The following RNF115 variants were observed in gnomAD, a reference collection of about 807,000 sequenced individuals.
RNF115 encodes E3 ubiquitin-protein ligase RNF115.
In RNF115, 31 loss-of-function variants were observed where a neutral mutation model predicts 39.2. The ratio of observed to expected loss-of-function variants is 0.79; its 90% CI spans 0.59 to 1.07. The LOEUF is 1.07. Among genes scored for constraint, RNF115 ranks in the 50% least tolerant of loss-of-function variants. RNF115 has a pLI of 0.00. For synonymous variants in RNF115, 124 were observed against 131.0 expected (o/e 0.95, Z 0.37); for missense variants, 384 against 381.7 (o/e 1.01, Z -0.05).
intron 1 of RNF115, among the ~76,000 whole-genome samples, chr1:145,793,875 G>A (rs1248092136): frequency 3.7e-5 from 5 of 135,848 alleles, no homozygotes; most frequent in African/African-American, 8.5e-5. Context: ...ACGAAGTCTC[G>A]CTCTGTCACT....
chr1:145,816,819 A>G (rs1553723629), intron 1 of RNF115, among the ~76,000 whole-genome samples: 11 of 132,164 alleles, frequency 8.3e-5, no homozygotes, highest in Non-Finnish European at 1.7e-5. Flanking sequence ...CCCAGGCTGG[A>G]GTACAGTGGC....
At chr1:145,782,479 G>A (rs1648194720) in intron 3 of RNF115, among the ~76,000 whole-genome samples, 1 of 152,054 alleles carries the variant, frequency 6.6e-6, no homozygotes, top group African/African-American at 2.4e-5. Flanking sequence ...ACACTTCTTA[G>A]CTAATTTATT....
Position 145,824,012 on chromosome 1 carries a change from T to G in RNF115, c.-139A>C, listed in dbSNP as rs1333447819. 1.7e-6 allele frequency: 1 copy of G among 588,378 alleles called. No homozygotes were observed. The highest frequency in any genetic ancestry group is 2.7e-6 in the Non-Finnish European group (1 of 367,394). 36.4% of individuals were successfully genotyped at this position (588,378 alleles called of 1,614,324 possible). A position where few individuals can be genotyped will look rare whatever the true frequency, so the allele number is the denominator to read the frequency against. ...TCAGAGCCCGCGTCGGTCACGTGAG[T>G]TGGCCAGGCCCAGAAACGCGGCGGC... On this transcript the variant is annotated 5_prime_UTR_variant, in exon 1 of 9. Coordinates refer to ENST00000582693, the MANE Select transcript of RNF115 (RefSeq NM_014455.4).
At chr1:145,777,692 TC>T (rs1195122429) in intron 3 of RNF115, among the ~76,000 whole-genome samples, 1 of 152,128 alleles carries the variant, frequency 6.6e-6, no homozygotes, top group Non-Finnish European at 1.5e-5. Flanking sequence ...GGGAACACTA[TC>T]ATAGAGTTTT....
rs1657615957 is a variant in RNF115, at chr1:145,739,155, T to C, written c.*7711A>G. 1 of 152,258 alleles carries C rather than the reference T, an allele frequency of 6.6e-6. No individual in the cohort carries two copies. The highest frequency in any genetic ancestry group is 2.1e-4 in the South Asian group (1 of 4,828). 9.4% of individuals were successfully genotyped at this position (152,258 alleles called of 1,614,324 possible). On this transcript the variant is annotated 3_prime_UTR_variant, in exon 9 of 9. Coordinates refer to ENST00000582693, the MANE Select transcript of RNF115 (RefSeq NM_014455.4). ...TTTTAAATAAATGCCCATAGCAGTA[T>C]TTGGAGTCTTTTCTTTTCTCCTAAA...
At chr1:145,781,321 G>C (rs1011452102) in intron 3 of RNF115, among the ~76,000 whole-genome samples, 2 of 152,126 alleles carry the variant, frequency 1.3e-5, no homozygotes, top group African/African-American at 4.8e-5. Flanking sequence ...GCAAAACTGA[G>C]CATAAGTCTT....
chr1:145,792,868 A>G lies in RNF115; in HGVS notation c.103-3902T>C, dbSNP rs1369438834. ...ATCAGAAACTCAACCTTTTTTCTCC[A>G]CTACACACATAAAGGATGAGACACA... is the stretch of plus-strand genomic sequence containing the variant. On this transcript the variant is annotated intron_variant, in intron 1 of 8. Coordinates refer to ENST00000582693, the MANE Select transcript of RNF115 (RefSeq NM_014455.4). 2.6e-5 allele frequency among the ~76,000 whole-genome samples: 4 copies of G among 152,120 alleles called. No individual in the cohort carries two copies. The East Asian group carries it at 5.8e-4, about 22-fold the overall frequency.
intron 1 of RNF115, 27 bp from the exon 2 acceptor site, chr1:145,788,993 A>T (rs1648518506): frequency 6.9e-7 from 1 of 1,451,226 alleles, no homozygotes; most frequent in South Asian, 1.1e-5. Context: ...GAAACAAATA[A>T]AACTTTTTCA....
At position 145,748,017 on chromosome 1, in the gene RNF115, C is replaced by A; in HGVS notation, c.761G>T (p.Cys254Phe). The part of the protein sequence containing the change: ...LPCNHFFHSS[C>F]IVPWLELHDT... ...CACCAGTTCTAGCCACGGCACAATA[C>A]AACTGCTGTGAAAGAAGTGATTGCA... The change falls in exon 8 of 9, where the codon TGT becomes TTT. Residue 254 changes from cysteine (C) to phenylalanine (F), a missense_variant. Coordinates refer to ENST00000582693, the MANE Select transcript of RNF115 (RefSeq NM_014455.4). 2 of 1,613,234 alleles carry A rather than the reference C, an allele frequency of 1.2e-6. No homozygotes were observed. The highest frequency in any genetic ancestry group is 1.3e-5 in the African/African-American group (1 of 75,012).
chr1:145,747,923 A>C, intron 8 of RNF115, 72 bp downstream of exon 8: 1 of 986,998 alleles, frequency 1.0e-6, no homozygotes, highest in Non-Finnish European at 1.6e-6. Flanking sequence ...ATCTACTTGG[A>C]TCTCGAGGAA....
chr1:145,797,273 A>G (rs1553720248), intron 1 of RNF115, among the ~76,000 whole-genome samples: 3 of 152,182 alleles, frequency 2.0e-5, no homozygotes, highest in African/African-American at 7.2e-5. Context: ...CTCCTCAGCT[A>G]CAGCACCCAA....
intron 1 of RNF115, among the ~76,000 whole-genome samples, chr1:145,811,355 CAAAAAAAAAAA>C (rs71829191): frequency 6.6e-5 from 4 of 60,456 alleles, no homozygotes; most frequent in African/African-American, 1.6e-4. Context: ...CCATCACTAC[CAAAAAAAAAAA>C]AAAAAAAAAG....
chr1:145,751,358 G>C, intron 6 of RNF115, 80 bp downstream of exon 6: 1 of 992,604 alleles, frequency 1.0e-6, no homozygotes, highest in Non-Finnish European at 1.5e-6. Context: ...TGCCATTTCA[G>C]AAAGTAGCAG....
intron 3 of RNF115, among the ~76,000 whole-genome samples, chr1:145,781,151 A>AT (rs587595803): frequency 6.2e-4 from 95 of 152,174 alleles, no homozygotes; most frequent in African/African-American, 2.2e-3. Flanking sequence ...CCCCAGTCTC[A>AT]TTTTTTTAAA....
At chr1:145,813,408 T>C (rs1553722990) in intron 1 of RNF115, among the ~76,000 whole-genome samples, 1 of 152,182 alleles carries the variant, frequency 6.6e-6, no homozygotes, top group Admixed American at 6.5e-5. Flanking sequence ...AGGCTTGTTG[T>C]CTGCTTTTCA....
At chr1:145,806,952 G>A (rs889894087) in intron 1 of RNF115, among the ~76,000 whole-genome samples, 2 of 152,210 alleles carry the variant, frequency 1.3e-5, no homozygotes, top group African/African-American at 4.8e-5. Context: ...TTACAGGTAC[G>A]CGCCACTGCG....
chr1:145,794,166 G>A (rs773457765), intron 1 of RNF115, among the ~76,000 whole-genome samples: 78 of 152,052 alleles, frequency 5.1e-4, no homozygotes, highest in Non-Finnish European at 1.0e-3. Flanking sequence ...CTCTTAAGTC[G>A]TGTCCTGCTT....
rs1207658827 is a variant in RNF115 at position 145,784,613 on chromosome 1, T to C, written c.162-17A>G. The C allele has an allele frequency of 6.2e-7, 1 of 1,611,750 alleles. No homozygotes were observed. On this transcript the variant is annotated splice_polypyrimidine_tract_variant and intron_variant, in intron 2 of 8. Coordinates refer to ENST00000582693, the MANE Select transcript of RNF115 (RefSeq NM_014455.4). ...CCTAAAAAACTAAAGAGAAAAGGAA[T>C]GAGTGGTGATTCTATTCCCAGGAAC...
intron 1 of RNF115, among the ~76,000 whole-genome samples, chr1:145,821,280 CA>C (rs1650222553): frequency 7.7e-6 from 1 of 129,736 alleles, no homozygotes; most frequent in East Asian, 2.0e-4. Flanking sequence ...CCTCAATTTA[CA>C]AATCAGATAT....
Sources: allele counts gnomAD v4.1 joint callset (sites outside exome capture counted in the v4.1 genomes callset), GRCh38; gene constraint gnomAD v4.1.1; transcripts MANE v1.5; gene names NCBI Gene and HGNC (gene_info 2026-07-23, HGNC 2026-07-21).